BCL2L1: variants seen among roughly 807,000 people sequenced by gnomAD.
BCL2L1 encodes the protein bcl-2-like protein 1.
BCL2L1 carries 1 observed loss-of-function variant against 18.7 expected under a neutral mutation model. The ratio of observed to expected loss-of-function variants is 0.05; its 90% CI spans 0.02 to 0.25. The LOEUF is 0.25. Ranked by LOEUF, BCL2L1 falls within the 10% of genes least tolerant of loss-of-function variation. The probability of loss-of-function intolerance (pLI) is 1.00; values close to 1 mark genes in which losing one functional copy is unlikely to be tolerated. For synonymous variants in BCL2L1, 103 were observed against 122.7 expected (o/e 0.84, Z 1.06); for missense variants, 207 against 304.9 (o/e 0.68, Z 2.39).
At chr20:31,702,428 C>T (rs765316151) in intron 2 of BCL2L1, among the ~76,000 whole-genome samples, 4 of 152,026 alleles carry the variant, frequency 2.6e-5, no homozygotes, top group Non-Finnish European at 5.9e-5. Context: ...GTCAGGAGTT[C>T]GAGACCAGCC....
At chr20:31,685,490 C>T (rs1393873098) in intron 2 of BCL2L1, among the ~76,000 whole-genome samples, 2 of 151,972 alleles carry the variant, frequency 1.3e-5, no homozygotes, top group African/African-American at 4.8e-5. Context: ...TATTGTAAAC[C>T]ACTGGTATTT....
rs143142638 is a variant in BCL2L1, at chr20:31,691,520, AAAAATAAAAT to A, written c.565-25444_565-25435del. Among the ~76,000 whole-genome samples, 1,253 of 144,636 alleles carry A rather than the reference AAAAATAAAAT, an allele frequency of 8.7e-3. 10 individuals carry two copies. Among genetic ancestry groups the A allele is most frequent in the Middle Eastern group, 0.035 (10 of 284 alleles). The allele number at this position is 144,636 out of a possible 152,430, so 94.9% of individuals were successfully genotyped here. On this transcript the variant is annotated intron_variant, in intron 2 of 2. Transcript: ENST00000307677. ...CAGAGCGAGACTCTATCTCAAAATA[AAAAATAAAAT>A]AAAATAAAATAAAATAAAATAAAAT...
At chr20:31,678,885 C>T (rs2060807490) in intron 2 of BCL2L1, among the ~76,000 whole-genome samples, 2 of 152,142 alleles carry the variant, frequency 1.3e-5, no homozygotes, top group African/African-American at 4.8e-5. Flanking sequence ...GGAGCAAATC[C>T]CTGCAACACC....
At chr20:31,683,254 C>T (rs1435938267) in intron 2 of BCL2L1, among the ~76,000 whole-genome samples, 1 of 152,212 alleles carries the variant, frequency 6.6e-6, no homozygotes. Context: ...ATGCCAGGCA[C>T]ACCATTCCCA....
intron 2 of BCL2L1, among the ~76,000 whole-genome samples, chr20:31,681,324 G>A (rs1387836086): frequency 6.6e-6 from 1 of 152,222 alleles, no homozygotes; most frequent in Non-Finnish European, 1.5e-5. Flanking sequence ...GGAAGTTGGT[G>A]AGAAGCAGTC....
intron 2 of BCL2L1, chr20:31,720,953 G>C (rs1040614918): frequency 2.0e-6 from 2 of 985,432 alleles, no homozygotes; most frequent in Non-Finnish European, 1.2e-6. Context: ...CTGGCTTAAT[G>C]TGTGACACAG....
chr20:31,723,336 TGGGCCTCTCCTCAGGTCAGGAAG>T, upstream of BCL2L1: 1 of 985,546 alleles, frequency 1.0e-6, no homozygotes. Flanking sequence ...GGTGAGGCGC[TGGGCCTCTCCTCAGGTCAGGAAG>T]AGGGGTCGAG....
At chr20:31,720,297 T>G (rs983435124) in intron 2 of BCL2L1, among the ~76,000 whole-genome samples, 3 of 152,208 alleles carry the variant, frequency 2.0e-5, no homozygotes, top group Non-Finnish European at 4.4e-5. Context: ...TGCCACACCC[T>G]AGGCCCAGCC....
chr20:31,691,842 C>T (rs915346199), intron 2 of BCL2L1, among the ~76,000 whole-genome samples: 18 of 152,266 alleles, frequency 1.2e-4, no homozygotes, highest in African/African-American at 4.1e-4. Flanking sequence ...CAAATTAAAA[C>T]CGCAAGATAC....
chr20:31,669,786 A>AG (rs2060639587), intron 2 of BCL2L1, among the ~76,000 whole-genome samples: 1 of 152,064 alleles, frequency 6.6e-6, no homozygotes, highest in African/African-American at 2.4e-5. Context: ...TCGTTCCTAT[A>AG]CACCCAGTGC....
intron 2 of BCL2L1, among the ~76,000 whole-genome samples, chr20:31,670,974 G>A (rs2060659700): frequency 6.6e-6 from 1 of 152,182 alleles, no homozygotes; most frequent in Non-Finnish European, 1.5e-5. Context: ...AACCAGGCTG[G>A]CATGGTAGGC....
intron 2 of BCL2L1, among the ~76,000 whole-genome samples, chr20:31,684,945 C>G (rs150404501): frequency 3.7e-4 from 56 of 152,342 alleles, no homozygotes; most frequent in Admixed American, 3.9e-4. Flanking sequence ...GTGAATAGGG[C>G]AAGACAAGTG....
chr20:31,684,165 G>A (rs1011013732), intron 2 of BCL2L1, among the ~76,000 whole-genome samples: 2 of 152,124 alleles, frequency 1.3e-5, no homozygotes, highest in Admixed American at 6.6e-5. Context: ...TGTCCCCCAG[G>A]GTGTGGACAA....
At chr20:31,685,399 C>CAAA (rs113218713) in intron 2 of BCL2L1, among the ~76,000 whole-genome samples, 68 of 132,976 alleles carry the variant, frequency 5.1e-4, no homozygotes, top group African/African-American at 7.2e-4. Flanking sequence ...GACTCCATCT[C>CAAA]AAAAAAAAAA....
intron 2 of BCL2L1, among the ~76,000 whole-genome samples, chr20:31,692,881 A>C (rs891282966): frequency 6.6e-6 from 1 of 151,790 alleles, no homozygotes. Context: ...ACTGCACTAC[A>C]GCCTGGGCGA....
intron 2 of BCL2L1, among the ~76,000 whole-genome samples, chr20:31,690,687 C>T (rs1212045549): frequency 6.6e-6 from 1 of 151,998 alleles, no homozygotes; most frequent in East Asian, 1.9e-4. Flanking sequence ...TCTCATGTCT[C>T]AGCTTCCCAA....
intron 2 of BCL2L1, among the ~76,000 whole-genome samples, chr20:31,706,887 A>G (rs2061376122): frequency 6.6e-6 from 1 of 152,162 alleles, no homozygotes; most frequent in South Asian, 2.1e-4. Flanking sequence ...TCTTCAACAT[A>G]TGAGGCAACA....
intron 2 of BCL2L1, among the ~76,000 whole-genome samples, chr20:31,707,864 A>G (rs1419071727): frequency 6.6e-6 from 1 of 152,112 alleles, no homozygotes; most frequent in Non-Finnish European, 1.5e-5. Context: ...GCTGGGAAAG[A>G]TTAAGTATTT....
chr20:31,684,001 C>T (rs1233051514), intron 2 of BCL2L1, among the ~76,000 whole-genome samples: 1 of 152,070 alleles, frequency 6.6e-6, no homozygotes, highest in East Asian at 1.9e-4. Context: ...AGAAAATGTC[C>T]ATCTGCATAT....
Sources: gnomAD v4.1 joint callset for allele counts (sites outside exome capture counted in the v4.1 genomes callset) on GRCh38, gnomAD v4.1.1 for gene constraint, MANE v1.5 for transcripts, NCBI Gene and HGNC (gene_info 2026-07-23, HGNC 2026-07-21) for gene names.